The following SBF2 variants were observed in gnomAD, a reference collection of about 807,000 sequenced individuals.
The protein encoded by SBF2 is myotubularin-related protein 13.
A neutral mutation model predicts 225.2 loss-of-function variants in SBF2; 112 were observed. The ratio of observed to expected loss-of-function variants is 0.50; its 90% CI spans 0.43 to 0.58. The LOEUF is 0.58. Among genes scored for constraint, SBF2 ranks in the 20% least tolerant of loss-of-function variants. The probability of loss-of-function intolerance (pLI) is 0.00; values close to 1 mark genes in which losing one functional copy is unlikely to be tolerated. For synonymous variants in SBF2, 763 were observed against 773.3 expected, an observed-to-expected ratio of 0.99 and a Z score of 0.22; for missense variants, 1,996 against 2,206.2, an observed-to-expected ratio of 0.90 and a Z score of 1.91.
intron 28 of SBF2, among the ~76,000 whole-genome samples, chr11:9,822,348 C>T (rs1170513727): frequency 6.6e-6 from 1 of 151,660 alleles, no homozygotes; most frequent in African/African-American, 2.4e-5. Flanking sequence ...GCAAGCTCCG[C>T]CTCCCGGGTT....
intron 1 of SBF2, among the ~76,000 whole-genome samples, chr11:10,265,027 T>C (rs187564658): frequency 3.9e-5 from 6 of 152,338 alleles, no homozygotes; most frequent in African/African-American, 1.4e-4. Context: ...TTGTGAGTAG[T>C]GTCGCAGTAA....
At chr11:10,044,505 G>A (rs754381703) in intron 2 of SBF2, 6 of 186,648 alleles carry the variant, frequency 3.2e-5, no homozygotes, top group Non-Finnish European at 6.4e-5. Context: ...AGAGATAAAT[G>A]TCTCTACACT....
At chr11:10,254,704 A>T (rs1960699401) in intron 1 of SBF2, among the ~76,000 whole-genome samples, 1 of 151,338 alleles carries the variant, frequency 6.6e-6, no homozygotes, top group South Asian at 2.1e-4. Flanking sequence ...TCAGGAGTTC[A>T]AGACCAGCCT....
Position 10,029,876 on chromosome 11 carries a change from C to T in SBF2, c.403-1G>A. 2 of 1,592,598 alleles carry T rather than the reference C, an allele frequency of 1.3e-6. No homozygotes were observed. The highest frequency in any genetic ancestry group is 1.7e-6 in the Non-Finnish European group (2 of 1,160,610). ...CGGTATAGATCAAACCCAGGCAAGC[C>T]TGCAAAAAGATAAATACATGTAATT... On this transcript the variant is annotated splice_acceptor_variant, in intron 4 of 39. Coordinates refer to ENST00000256190, the MANE Select transcript of SBF2 (RefSeq NM_030962.4). LOFTEE classifies it high-confidence loss of function.
At chr11:9,892,648 C>T (rs1353248998) in intron 17 of SBF2, among the ~76,000 whole-genome samples, 2 of 151,828 alleles carry the variant, frequency 1.3e-5, no homozygotes, top group Non-Finnish European at 2.9e-5. Flanking sequence ...CAACCTCCGC[C>T]TCCAAGGTTC....
At chr11:9,971,835 T>G (rs1321199218) in intron 13 of SBF2, among the ~76,000 whole-genome samples, 1 of 152,066 alleles carries the variant, frequency 6.6e-6, no homozygotes, top group Admixed American at 6.5e-5. Context: ...AAGAGTTAAG[T>G]GGGAGAGTTA....
At chr11:10,152,237 G>A (rs544233595) in intron 2 of SBF2, among the ~76,000 whole-genome samples, 1 of 152,112 alleles carries the variant, frequency 6.6e-6, no homozygotes, top group Non-Finnish European at 1.5e-5. Context: ...ATTAAGGAAG[G>A]CATATTTATT....
In SBF2 at chr11:9,785,286, A is replaced by G; in HGVS notation, c.5070T>C (p.Ile1690=). 6.2e-7 allele frequency: 1 copy of G among 1,614,212 alleles called. No homozygotes were observed. ...SQRHLSRSPG[I]VSTNLPSYQK... Reference sequence around the variant, plus strand: ...GATAGGAAGGTAGGTTGGTAGACACAATTCCTGGGGATCTCGACAGGTGTC... The same window carrying G: ...GATAGGAAGGTAGGTTGGTAGACACGATTCCTGGGGATCTCGACAGGTGTC... The change falls in exon 37 of 40, where the codon ATT becomes ATC. Residue 1690 remains isoleucine, a synonymous_variant. Transcript: ENST00000256190.
At chr11:9,848,329 ATTTC>A (rs1216656144) in intron 22 of SBF2, among the ~76,000 whole-genome samples, 5 of 152,232 alleles carry the variant, frequency 3.3e-5, no homozygotes, top group African/African-American at 7.2e-5. Context: ...AAATTATAAT[ATTTC>A]TATGTGTCAT....
chr11:10,225,975 C>A (rs1958521844), intron 1 of SBF2, among the ~76,000 whole-genome samples: 1 of 152,066 alleles, frequency 6.6e-6, no homozygotes, highest in Admixed American at 6.6e-5. Context: ...ATTTTCATTA[C>A]CAAATTTTAT....
intron 28 of SBF2, chr11:9,828,015 T>C: frequency 1.8e-6 from 1 of 571,274 alleles, no homozygotes; most frequent in Non-Finnish European, 2.7e-6. Flanking sequence ...AGAGGGTAAT[T>C]AAGAACAATT....
At chr11:10,094,528 A>ATTTTTTTGTTTTTTT (rs1951932330) in intron 2 of SBF2, among the ~76,000 whole-genome samples, 1 of 107,300 alleles carries the variant, frequency 9.3e-6, no homozygotes, top group Non-Finnish European at 1.9e-5. Context: ...ATACACACAG[A>ATTTTTTTGTTTTTTT]TTTTTTTTTT....
At chr11:9,960,935 TTA>T (rs1255817043) in intron 16 of SBF2, 5 of 152,102 alleles carry the variant, frequency 3.3e-5, no homozygotes, top group African/African-American at 1.2e-4. Context: ...AGTGCTGGGA[TTA>T]CAGGCATGAG....
intron 28 of SBF2, among the ~76,000 whole-genome samples, chr11:9,820,902 G>A (rs1854713026): frequency 6.6e-6 from 1 of 152,202 alleles, no homozygotes; most frequent in South Asian, 2.1e-4. Context: ...ACAGTTAAAA[G>A]GTTAAACTTA....
intron 25 of SBF2, among the ~76,000 whole-genome samples, chr11:9,840,636 C>T (rs1856065926): frequency 6.6e-6 from 1 of 152,184 alleles, no homozygotes; most frequent in Non-Finnish European, 1.5e-5. Flanking sequence ...TTCATAAAAT[C>T]ACTATACAAA....
intron 17 of SBF2, among the ~76,000 whole-genome samples, chr11:9,880,432 A>C (rs746630316): frequency 6.6e-6 from 1 of 152,216 alleles, no homozygotes. Context: ...AGCTAAGCAG[A>C]GGCTGCCCCT....
At chr11:10,164,970 A>C (rs1356951611) in intron 2 of SBF2, 1 of 152,222 alleles carries the variant, frequency 6.6e-6, no homozygotes. Context: ...TAGTCATCCA[A>C]AACCTTGGAA....
intron 2 of SBF2, among the ~76,000 whole-genome samples, chr11:10,165,930 G>A (rs1459493294): frequency 2.6e-5 from 4 of 152,134 alleles, no homozygotes; most frequent in African/African-American, 4.8e-5. Context: ...CATATGTCAA[G>A]TTAATGGTCC....
chr11:10,071,423 C>T (rs545261083), intron 2 of SBF2, among the ~76,000 whole-genome samples: 18 of 152,122 alleles, frequency 1.2e-4, no homozygotes, highest in Admixed American at 3.3e-4. Flanking sequence ...CCCGCAACCA[C>T]GCCTGGCTAA....
Sources: gnomAD v4.1 joint callset for allele counts (sites outside exome capture counted in the v4.1 genomes callset) on GRCh38, gnomAD v4.1.1 for gene constraint, MANE v1.5 for transcripts, NCBI Gene and HGNC (gene_info 2026-07-23, HGNC 2026-07-21) for gene names.